Variants in ULK4 observed in about 807,000 individuals in gnomAD.
ULK4 encodes the protein unc-51 like kinase 4.
Under a neutral mutation model 160.6 loss-of-function variants are expected in ULK4, and 133 were observed. That is an observed-to-expected ratio of 0.83 (90% CI 0.72 to 0.96). The LOEUF (loss-of-function observed/expected upper bound fraction) is 0.96. Among genes scored for constraint, ULK4 ranks in the 40% least tolerant of loss-of-function variants. The pLI is 0.00. For synonymous variants in ULK4, 534 were observed against 539.8 expected, an observed-to-expected ratio of 0.99 and a Z score of 0.15; for missense variants, 1,580 against 1,499.5, an observed-to-expected ratio of 1.05 and a Z score of -0.89.
intron 25 of ULK4, among the ~76,000 whole-genome samples, chr3:41,709,109 T>C (rs2037002814): frequency 6.6e-6 from 1 of 152,204 alleles, no homozygotes; most frequent in Non-Finnish European, 1.5e-5. Flanking sequence ...TTAACAATGG[T>C]TGTCTCCTAG....
At chr3:41,833,114 A>G (rs1185597089) in intron 18 of ULK4, among the ~76,000 whole-genome samples, 3 of 152,130 alleles carry the variant, frequency 2.0e-5, no homozygotes, top group Non-Finnish European at 4.4e-5. Context: ...TCTATAAACT[A>G]CTTTGGGCAG....
At chr3:41,895,911 T>C (rs1698135235) in intron 15 of ULK4, among the ~76,000 whole-genome samples, 1 of 152,178 alleles carries the variant, frequency 6.6e-6, no homozygotes, top group African/African-American at 2.4e-5. Context: ...GGGACCACTA[T>C]AGAAAACACC....
chr3:41,729,543 A>G (rs1310262988), intron 22 of ULK4, among the ~76,000 whole-genome samples: 2 of 152,220 alleles, frequency 1.3e-5, no homozygotes. Flanking sequence ...AATACTCAAC[A>G]GTCCTGCAGC....
rs115206677 is a variant in ULK4, at chr3:41,601,447, C to T, written c.3120+14222G>A. 5.4e-3 allele frequency among the ~76,000 whole-genome samples: 816 copies of T among 152,204 alleles called. 1 individual carries two copies. The highest frequency in any genetic ancestry group is 8.0e-3 in the Admixed American group (123 of 15,300). ...AGGAGATAGAGCTTCATTTCCTATTCTTTGAGTGTCAGAAGTACTTAGAAA... is the reference window on the plus strand; with the variant it reads ...AGGAGATAGAGCTTCATTTCCTATTTTTTGAGTGTCAGAAGTACTTAGAAA... On this transcript the variant is annotated intron_variant, in intron 31 of 36. Coordinates refer to ENST00000301831, the MANE Select transcript of ULK4 (RefSeq NM_017886.4).
intron 12 of ULK4, among the ~76,000 whole-genome samples, chr3:41,906,803 G>T (rs1011263886): frequency 3.9e-5 from 6 of 152,130 alleles, no homozygotes; most frequent in African/African-American, 1.4e-4. Context: ...GACCATCATG[G>T]TCAACATGGT....
intron 17 of ULK4, among the ~76,000 whole-genome samples, chr3:41,870,376 A>T (rs1306265786): frequency 1.3e-5 from 2 of 152,222 alleles, no homozygotes; most frequent in Admixed American, 1.3e-4. Flanking sequence ...ACAAAGTCTC[A>T]GACACTGTGT....
At chr3:41,925,031 C>T (rs1699326843) in intron 5 of ULK4, among the ~76,000 whole-genome samples, 3 of 152,194 alleles carry the variant, frequency 2.0e-5, no homozygotes, top group Admixed American at 2.0e-4. Flanking sequence ...ACTCTCCCCT[C>T]AAGTATAGCA....
intron 20 of ULK4, among the ~76,000 whole-genome samples, chr3:41,797,878 T>A (rs4621303): frequency 0.37 from 45,630 of 123,138 alleles, 9,713 homozygotes; most frequent in African/African-American, 0.65. Flanking sequence ...AAAAAGAAAA[T>A]GAAAGGAAAG....
intron 30 of ULK4, among the ~76,000 whole-genome samples, chr3:41,651,812 C>A (rs1310416263): frequency 6.6e-6 from 1 of 152,118 alleles, no homozygotes. Flanking sequence ...TTGATTGTAG[C>A]CCCCAAAATA....
chr3:41,590,420 A>G lies in ULK4; in HGVS notation c.3121-24290T>C, dbSNP rs547910699. Among the ~76,000 whole-genome samples, 28 of 143,118 alleles carry G rather than the reference A, an allele frequency of 2.0e-4. No individual in the cohort carries two copies. The South Asian group carries it at 6.3e-3, about 32-fold the overall frequency. 93.9% of individuals were successfully genotyped at this position (143,118 alleles called of 152,430 possible). ...CACCTGAGGCCAGGAGTTCAAGAGT[A>G]GCCTGACCAATATGGTAAAACCCCG... is the stretch of plus-strand genomic sequence containing the variant. On this transcript the variant is annotated intron_variant, in intron 31 of 36. Transcript: ENST00000301831.
chr3:41,356,393 A>C (rs143164593), intron 35 of ULK4, among the ~76,000 whole-genome samples: 382 of 152,274 alleles, frequency 2.5e-3, no homozygotes, highest in African/African-American at 8.5e-3. Flanking sequence ...TCCTGTCTCC[A>C]AATTCTCAGT....
chr3:41,773,001 T>C (rs1160870973), intron 21 of ULK4, among the ~76,000 whole-genome samples: 51 of 151,838 alleles, frequency 3.4e-4, no homozygotes, highest in African/African-American at 6.3e-4. Flanking sequence ...GCAGAAAAGG[T>C]CTTTGACAAA....
At chr3:41,794,660 C>CCAAAAAAAAAAAAAA (rs2040243189) in intron 20 of ULK4, among the ~76,000 whole-genome samples, 1 of 18,996 alleles carries the variant, frequency 5.3e-5, no homozygotes, top group Admixed American at 1.3e-3. Context: ...GACTCTGTCT[C>CCAAAAAAAAAAAAAA]AAAAAAAAAA....
chr3:41,743,446 T>TAA (rs1396957658), intron 22 of ULK4, among the ~76,000 whole-genome samples: 1 of 151,602 alleles, frequency 6.6e-6, no homozygotes, highest in East Asian at 1.9e-4. Context: ...AACATACCCT[T>TAA]AAAAAAATGT....
At chr3:41,746,272 C>CAAAAAAAAAAAAAAAAAAAAAAA (rs34582395) in intron 22 of ULK4, among the ~76,000 whole-genome samples, 7 of 45,718 alleles carry the variant, frequency 1.5e-4, no homozygotes, top group African/African-American at 7.4e-4. Context: ...CTGGAACCCA[C>CAAAAAAAAAAAAAAAAAAAAAAA]AAAAAAAAAA....
At chr3:41,510,571 A>G (rs771868453) in intron 32 of ULK4, among the ~76,000 whole-genome samples, 2 of 152,240 alleles carry the variant, frequency 1.3e-5, no homozygotes, top group Non-Finnish European at 2.9e-5. Flanking sequence ...AAGATGGGCC[A>G]TATGATAAAG....
At chr3:41,571,622 G>A (rs898738002) in intron 31 of ULK4, among the ~76,000 whole-genome samples, 4 of 152,140 alleles carry the variant, frequency 2.6e-5, no homozygotes, top group African/African-American at 7.2e-5. Flanking sequence ...AAAGAGACAA[G>A]GGCACGCATG....
intron 35 of ULK4, among the ~76,000 whole-genome samples, chr3:41,377,731 C>T (rs1575487563): frequency 2.0e-5 from 3 of 147,856 alleles, no homozygotes; most frequent in Admixed American, 1.3e-4. Context: ...ACAACAGGTG[C>T]TGTAGAGGAT....
At chr3:41,487,654 T>A (rs1393453153) in intron 32 of ULK4, among the ~76,000 whole-genome samples, 1 of 151,990 alleles carries the variant, frequency 6.6e-6, no homozygotes, top group Non-Finnish European at 1.5e-5. Context: ...TCAGGCTAAA[T>A]CTCTACACTT....
Sources: gnomAD v4.1 joint callset for allele counts (sites outside exome capture counted in the v4.1 genomes callset) on GRCh38, gnomAD v4.1.1 for gene constraint, MANE v1.5 for transcripts, NCBI Gene and HGNC (gene_info 2026-07-23, HGNC 2026-07-21) for gene names.